ZNF804B: variants seen among roughly 807,000 people sequenced by gnomAD.
The protein encoded by ZNF804B is zinc finger protein 804B, also known as zinc finger 804B.
A neutral mutation model predicts 101.4 loss-of-function variants in ZNF804B; 80 were observed. That is an observed-to-expected ratio of 0.79 (90% confidence interval 0.66 to 0.95). The LOEUF is 0.95. Among genes scored for constraint, ZNF804B ranks in the 40% least tolerant of loss-of-function variants. The pLI is 0.00. For synonymous variants in ZNF804B, 622 were observed against 558.8 expected, an observed-to-expected ratio of 1.11 and a Z score of -1.59; for missense variants, 1,673 against 1,561.9, an observed-to-expected ratio of 1.07 and a Z score of -1.20.
chr7:88,965,110 A>T (rs1793436291), intron 1 of ZNF804B, among the ~76,000 whole-genome samples: 1 of 151,474 alleles, frequency 6.6e-6, no homozygotes, highest in African/African-American at 2.4e-5. Flanking sequence ...AGAAACAATA[A>T]AACTAATAAA....
At chr7:89,044,704 T>C (rs1390368038) in intron 1 of ZNF804B, among the ~76,000 whole-genome samples, 3 of 152,152 alleles carry the variant, frequency 2.0e-5, no homozygotes, top group Non-Finnish European at 4.4e-5. Flanking sequence ...GCCCCTTCCC[T>C]AGAGATCTGA....
At chr7:89,217,675 T>C (rs1232588935) in intron 1 of ZNF804B, among the ~76,000 whole-genome samples, 1 of 152,142 alleles carries the variant, frequency 6.6e-6, no homozygotes, top group Non-Finnish European at 1.5e-5. Flanking sequence ...CTGATGCTTG[T>C]GGAGGAGGCT....
chr7:89,287,786 C>A (rs1228294337), intron 2 of ZNF804B, among the ~76,000 whole-genome samples: 1 of 152,054 alleles, frequency 6.6e-6, no homozygotes, highest in African/African-American at 2.4e-5. Flanking sequence ...GAACACTGGG[C>A]ATTTATGTGC....
At chr7:89,122,623 A>G (rs893591143) in intron 1 of ZNF804B, among the ~76,000 whole-genome samples, 3 of 152,116 alleles carry the variant, frequency 2.0e-5, no homozygotes, top group African/African-American at 7.2e-5. Flanking sequence ...TGGCTTTCAC[A>G]TTCTTGTAGA....
At chr7:89,156,448 T>C (rs1419376423) in intron 1 of ZNF804B, among the ~76,000 whole-genome samples, 3 of 152,158 alleles carry the variant, frequency 2.0e-5, no homozygotes, top group Non-Finnish European at 4.4e-5. Flanking sequence ...TTTACTCAGC[T>C]TTATTTCAGT....
At chr7:89,083,355 A>G (rs1056349956) in intron 1 of ZNF804B, among the ~76,000 whole-genome samples, 1 of 151,834 alleles carries the variant, frequency 6.6e-6, no homozygotes, top group African/African-American at 2.4e-5. Context: ...GTTTATAATC[A>G]TATCTGTTAA....
Position 88,760,084 on chromosome 7 carries a change from G to C in ZNF804B, c.108G>C (p.Pro36=). The change falls in exon 1 of 4, where the codon CCG becomes CCC. Residue 36 remains proline (P), a splice_region_variant and synonymous_variant. Transcript: ENST00000333190. ...GPLCKNGSPS[P]DFAEKKSTAK... ...TGTGCAAGAACGGATCTCCCTCTCC[G>C]GTAATGTGCGCGCGCACACACATAC... 1 of 1,613,076 alleles carries C rather than the reference G, an allele frequency of 6.2e-7. No individual in the cohort carries two copies. Among genetic ancestry groups the C allele is most frequent in the Non-Finnish European group, 8.5e-7 (1 of 1,179,064 alleles).
intron 1 of ZNF804B, among the ~76,000 whole-genome samples, chr7:89,026,116 G>C (rs552790197): frequency 2.0e-5 from 3 of 152,238 alleles, no homozygotes; most frequent in Admixed American, 2.0e-4. Flanking sequence ...TGTGCCAAGT[G>C]CTGTGCTAAG....
chr7:88,906,761 G>A (rs1024218298), intron 1 of ZNF804B, among the ~76,000 whole-genome samples: 1 of 152,110 alleles, frequency 6.6e-6, no homozygotes, highest in African/African-American at 2.4e-5. Flanking sequence ...TTGGTCAGGT[G>A]TTGAGTTTAA....
chr7:89,153,082 C>T (rs1024457018), intron 1 of ZNF804B, among the ~76,000 whole-genome samples: 7 of 149,826 alleles, frequency 4.7e-5, no homozygotes, highest in Non-Finnish European at 8.9e-5. Context: ...TCACCATCAG[C>T]ATGAAAATAA....
chr7:89,210,282 A>G (rs762888228), intron 1 of ZNF804B, among the ~76,000 whole-genome samples: 13 of 152,176 alleles, frequency 8.5e-5, no homozygotes, highest in Admixed American at 3.3e-4. Flanking sequence ...AAAAACAGAG[A>G]TTAAAAACTC....
In ZNF804B at chr7:89,244,038, T is replaced by TA. The variant is rs542658777; in HGVS notation, c.249+25747dup. On this transcript the variant is annotated intron_variant, in intron 2 of 3. Coordinates refer to ENST00000333190, the MANE Select transcript of ZNF804B (RefSeq NM_181646.5). Reference sequence around the variant, plus strand: ...TACAGCTTCTATTTTACTACCCCTTTAAAATTCCTTCATTTTCATTTTTGT... The same window carrying TA: ...TACAGCTTCTATTTTACTACCCCTTTAAAAATTCCTTCATTTTCATTTTTGT... 3.3e-4 allele frequency among the ~76,000 whole-genome samples: 50 copies of TA among 152,162 alleles called. No homozygotes were observed. In the South Asian group the frequency reaches 0.01, roughly 31 times the overall value.
chr7:89,106,635 C>G (rs1044608727), intron 1 of ZNF804B, among the ~76,000 whole-genome samples: 1 of 152,064 alleles, frequency 6.6e-6, no homozygotes, highest in South Asian at 2.1e-4. Context: ...TCCCTTACTT[C>G]CACCAAAAGG....
At chr7:89,015,488 C>T (rs995363289) in intron 1 of ZNF804B, among the ~76,000 whole-genome samples, 2 of 151,446 alleles carry the variant, frequency 1.3e-5, no homozygotes, top group Non-Finnish European at 2.9e-5. Context: ...CCTCCCCGCT[C>T]CCCCCACCCC....
chr7:88,935,205 C>T (rs1792948702), intron 1 of ZNF804B, among the ~76,000 whole-genome samples: 1 of 151,568 alleles, frequency 6.6e-6, no homozygotes, highest in Non-Finnish European at 1.5e-5. Flanking sequence ...TATGTTCTCA[C>T]TTATAAGTGA....
intron 1 of ZNF804B, among the ~76,000 whole-genome samples, chr7:89,076,119 A>G (rs1420753410): frequency 1.3e-5 from 2 of 152,202 alleles, no homozygotes; most frequent in African/African-American, 4.8e-5. Context: ...TTTTGAGTTA[A>G]TGCTGAAATG....
At chr7:89,043,443 C>T (rs1291008468) in intron 1 of ZNF804B, among the ~76,000 whole-genome samples, 2 of 152,126 alleles carry the variant, frequency 1.3e-5, no homozygotes, top group Non-Finnish European at 2.9e-5. Context: ...TAATTACAAA[C>T]ATCTAATTTT....
intron 1 of ZNF804B, among the ~76,000 whole-genome samples, chr7:89,195,012 C>G (rs1421038201): frequency 1.3e-5 from 2 of 151,872 alleles, no homozygotes; most frequent in East Asian, 3.9e-4. Flanking sequence ...GGCTTCATCC[C>G]TGGGATGCAA....
At chr7:88,899,752 C>T (rs2115949621) in intron 1 of ZNF804B, among the ~76,000 whole-genome samples, 1 of 152,208 alleles carries the variant, frequency 6.6e-6, no homozygotes, top group Admixed American at 6.5e-5. Context: ...CTGTTAGCTC[C>T]CAGGACCATC....
Sources: allele counts gnomAD v4.1 joint callset (sites outside exome capture counted in the v4.1 genomes callset), GRCh38; gene constraint gnomAD v4.1.1; transcripts MANE v1.5; gene names NCBI Gene and HGNC (gene_info 2026-07-23, HGNC 2026-07-21).